The following RAB27B variants were observed in gnomAD, a reference collection of about 807,000 sequenced individuals.
The protein encoded by RAB27B is ras-related protein Rab-27B.
RAB27B carries 15 observed loss-of-function variants against 24.6 expected under a neutral mutation model. The ratio of observed to expected loss-of-function variants is 0.61; its 90% CI spans 0.41 to 0.94. The LOEUF (loss-of-function observed/expected upper bound fraction) is 0.94, where lower values mean the gene tolerates loss of function less well. Among genes scored for constraint, RAB27B ranks in the 40% least tolerant of loss-of-function variants. The probability of loss-of-function intolerance (pLI) is 0.00; values close to 1 mark genes in which losing one functional copy is unlikely to be tolerated. For missense variants in RAB27B, 261 were observed against 266.8 expected, an observed-to-expected ratio of 0.98 and a Z score of 0.15; for synonymous variants, 105 against 92.5, an observed-to-expected ratio of 1.14 and a Z score of -0.78.
At chr18:54,804,947 T>TTTCTTTCC (rs1909741396) in intron 2 of RAB27B, among the ~76,000 whole-genome samples, 1 of 141,450 alleles carries the variant, frequency 7.1e-6, no homozygotes, top group South Asian at 2.3e-4. Flanking sequence ...TCTTTCTTTC[T>TTTCTTTCC]TTCTTTCTCT....
intron 2 of RAB27B, among the ~76,000 whole-genome samples, chr18:54,718,820 G>T (rs1192821219): frequency 6.6e-6 from 1 of 152,138 alleles, no homozygotes. Context: ...AATTCTTTTT[G>T]AGTATTTTAC....
chr18:54,792,912 G>A (rs1909297959), intron 2 of RAB27B, among the ~76,000 whole-genome samples: 1 of 152,164 alleles, frequency 6.6e-6, no homozygotes, highest in African/African-American at 2.4e-5. Flanking sequence ...TTTGACTGTA[G>A]GGGAATTGGT....
chr18:54,723,513 TA>T (rs1050976640), intron 2 of RAB27B, among the ~76,000 whole-genome samples: 1 of 152,216 alleles, frequency 6.6e-6, no homozygotes, highest in Non-Finnish European at 1.5e-5. Flanking sequence ...GGAGGTCTAC[TA>T]ATCCCACATA....
At chr18:54,769,954 GC>G (rs1383071445) in intron 2 of RAB27B, among the ~76,000 whole-genome samples, 1 of 152,064 alleles carries the variant, frequency 6.6e-6, no homozygotes, top group Non-Finnish European at 1.5e-5. Context: ...TGCAACCTCA[GC>G]TTCTTGGGTT....
intron 2 of RAB27B, among the ~76,000 whole-genome samples, chr18:54,770,652 CA>C (rs1023061781): frequency 1.3e-5 from 2 of 152,112 alleles, no homozygotes; most frequent in Non-Finnish European, 2.9e-5. Flanking sequence ...TTGTCTTCCA[CA>C]AAACCAGTCC....
At chr18:54,815,259 T>C (rs1305435901) in intron 2 of RAB27B, among the ~76,000 whole-genome samples, 5 of 152,186 alleles carry the variant, frequency 3.3e-5, no homozygotes, top group Admixed American at 1.3e-4. Flanking sequence ...TGCAGGAGTA[T>C]GGTAACTATG....
chr18:54,865,236 T>TG (rs1366415589), intron 1 of RAB27B, among the ~76,000 whole-genome samples: 43 of 96,658 alleles, frequency 4.4e-4, no homozygotes, highest in Admixed American at 2.0e-3. Flanking sequence ...GCAATGGCCT[T>TG]TTGTGTGTGT....
At chr18:54,809,930 G>T (rs1023549707) in intron 2 of RAB27B, among the ~76,000 whole-genome samples, 3 of 152,112 alleles carry the variant, frequency 2.0e-5, no homozygotes, top group Non-Finnish European at 2.9e-5. Context: ...AGTGTAAACA[G>T]TTATGTTTTA....
chr18:54,766,970 G>A (rs1908382592), intron 2 of RAB27B, among the ~76,000 whole-genome samples: 1 of 152,140 alleles, frequency 6.6e-6, no homozygotes, highest in Non-Finnish European at 1.5e-5. Flanking sequence ...TGTGCCAAAT[G>A]ACAAGAATGC....
At chr18:54,764,707 G>A (rs575294041) in intron 2 of RAB27B, among the ~76,000 whole-genome samples, 1 of 152,076 alleles carries the variant, frequency 6.6e-6, no homozygotes, top group Admixed American at 6.6e-5. Flanking sequence ...GTCTAAACTT[G>A]GATGTTGTTT....
chr18:54,854,684 AC>A (rs1911714562), intron 1 of RAB27B, among the ~76,000 whole-genome samples: 1 of 152,254 alleles, frequency 6.6e-6, no homozygotes, highest in South Asian at 2.1e-4. Flanking sequence ...CCAGTCCCTT[AC>A]AGAACGATTA....
chr18:54,879,378 G>A lies in RAB27B; in HGVS notation c.163G>A (p.Ala55Thr). ...ACGTTGTATCTTTCAGGTTTATAAT[G>A]CACAAGGACCGAATGGATCTTCAGG... Reference protein sequence around the residue: ...DFREKRVVYNAQGPNGSSGKA... With the variant: ...DFREKRVVYNTQGPNGSSGKA... Residue 55 changes from alanine to threonine, a missense_variant, in exon 3 of 6, where the codon GCA becomes ACA. Ala to Thr is a moderately conservative substitution (Grantham distance 58). Transcript: ENST00000262094. The A allele has an allele frequency of 6.2e-7, 1 of 1,611,592 alleles. No individual in the cohort carries two copies. Among genetic ancestry groups the A allele is most frequent in the Non-Finnish European group, 8.5e-7 (1 of 1,177,824 alleles).
Position 54,884,560 on chromosome 18 carries a change from T to C in RAB27B, c.343+124T>C, listed in dbSNP as rs1913056180. On this transcript the variant is annotated intron_variant, in intron 4 of 5. Transcript: ENST00000262094. ...TTAACTTTCAAAGTCATGAGTTTAG[T>C]GTTGCCTGTGCCACTGTGTCACCTT... 4.8e-6 allele frequency: 3 copies of C among 626,310 alleles called. No individual in the cohort carries two copies. In the East Asian group the frequency reaches 8.3e-5, roughly 17 times the overall value. The allele number at this position is 626,310 out of a possible 1,614,324, so 38.8% of individuals were successfully genotyped here.
At chr18:54,792,035 A>C (rs1264139423) in intron 2 of RAB27B, among the ~76,000 whole-genome samples, 1 of 152,188 alleles carries the variant, frequency 6.6e-6, no homozygotes, top group Non-Finnish European at 1.5e-5. Context: ...TTTTTCCAGC[A>C]CGCCAAGGCA....
rs1353177485 is a variant in RAB27B, at chr18:54,773,266, G to A, written c.-20+55125G>A. Among the ~76,000 whole-genome samples, 7 of 152,312 alleles carry A rather than the reference G, an allele frequency of 4.6e-5. No homozygotes were observed. The East Asian group carries it at 1.4e-3, about 29-fold the overall frequency. On this transcript the variant is annotated intron_variant, in intron 2 of 4. Coordinates refer to the RAB27B transcript ENST00000586570. ...TAAGGTCATCATTCAATACAGGGATGCCCATTCTCTTCAAAGATGCTCTTG... is the reference window on the plus strand; with the variant it reads ...TAAGGTCATCATTCAATACAGGGATACCCATTCTCTTCAAAGATGCTCTTG...
chr18:54,752,831 T>C (rs1428917435), intron 2 of RAB27B, among the ~76,000 whole-genome samples: 3 of 152,188 alleles, frequency 2.0e-5, no homozygotes, highest in Non-Finnish European at 4.4e-5. Context: ...GTTGCCTGCC[T>C]TGGGGAGTCT....
chr18:54,722,631 A>G (rs1160829219), intron 2 of RAB27B, among the ~76,000 whole-genome samples: 1 of 152,174 alleles, frequency 6.6e-6, no homozygotes, highest in African/African-American at 2.4e-5. Flanking sequence ...ATGGATAAAG[A>G]AGGTAGTTCA....
chr18:54,748,965 G>T (rs1452611146), intron 2 of RAB27B, among the ~76,000 whole-genome samples: 1 of 152,074 alleles, frequency 6.6e-6, no homozygotes, highest in Non-Finnish European at 1.5e-5. Context: ...AAGATGGATG[G>T]GACAAATTAT....
intron 1 of RAB27B, among the ~76,000 whole-genome samples, chr18:54,837,965 G>A (rs1039260996): frequency 3.3e-5 from 5 of 151,972 alleles, no homozygotes; most frequent in Non-Finnish European, 7.4e-5. Context: ...GTCTCAATCA[G>A]GAATATGTTC....
Sources: allele counts gnomAD v4.1 joint callset (sites outside exome capture counted in the v4.1 genomes callset), GRCh38; gene constraint gnomAD v4.1.1; transcripts MANE v1.5; gene names NCBI Gene and HGNC (gene_info 2026-07-23, HGNC 2026-07-21).